CDC14A: variants seen among roughly 807,000 people sequenced by gnomAD.
CDC14A encodes dual specificity protein phosphatase CDC14A.
In CDC14A, 53 loss-of-function variants were observed where a neutral mutation model predicts 74.4. The ratio of observed to expected loss-of-function variants is 0.71; its 90% CI spans 0.57 to 0.89. CDC14A has a LOEUF of 0.89. CDC14A is among the 40% of genes least tolerant of loss of function. The probability of loss-of-function intolerance (pLI) is 0.00; values close to 1 mark genes in which losing one functional copy is unlikely to be tolerated. For missense variants in CDC14A, 646 were observed against 713.7 expected, an observed-to-expected ratio of 0.91 and a Z score of 1.08; for synonymous variants, 247 against 258.4, an observed-to-expected ratio of 0.96 and a Z score of 0.43.
At chr1:100,462,615 G>A (rs1332879303) in intron 8 of CDC14A, 36 bp from the exon 9 acceptor site, 1 of 1,457,516 alleles carries the variant, frequency 6.9e-7, no homozygotes, top group Non-Finnish European at 9.6e-7. Context: ...AAGATGAAAT[G>A]CATGCCTTTT....
chr1:100,352,592 C>G lies in CDC14A; in HGVS notation c.-363C>G. On this transcript the variant is annotated 5_prime_UTR_variant, in exon 1 of 16. Transcript: ENST00000336454. The stretch of plus-strand genomic sequence containing the variant: ...GCGCGATCGGGACCAGAAGTCTCCT[C>G]CTCCATGATCACTTTGGAAGCCGGG... 1 of 1,109,892 alleles carries G rather than the reference C, an allele frequency of 9.0e-7. No individual in the cohort carries two copies. The highest frequency in any genetic ancestry group is 1.1e-6 in the Non-Finnish European group (1 of 908,534). 68.8% of individuals were successfully genotyped at this position (1,109,892 alleles called of 1,614,324 possible). A position where few individuals can be genotyped will look rare whatever the true frequency, so the allele number is the denominator to read the frequency against.
intron 2 of CDC14A, among the ~76,000 whole-genome samples, chr1:100,355,982 T>C (rs1651830523): frequency 6.6e-6 from 1 of 152,170 alleles, no homozygotes; most frequent in Admixed American, 6.5e-5. Context: ...GCTTGAAGGA[T>C]GGACAAGGTC....
chr1:100,439,384 C>T (rs1571195958), intron 5 of CDC14A, among the ~76,000 whole-genome samples: 1 of 152,152 alleles, frequency 6.6e-6, no homozygotes, highest in East Asian at 1.9e-4. Context: ...TTGTTTTTAT[C>T]ATATTCCTGA....
At chr1:100,440,919 A>G (rs1426882720) in intron 6 of CDC14A, among the ~76,000 whole-genome samples, 1 of 152,188 alleles carries the variant, frequency 6.6e-6, no homozygotes, top group Non-Finnish European at 1.5e-5. Context: ...CTACTTAAAC[A>G]ACTACAGAGA....
At chr1:100,443,018 T>C in intron 7 of CDC14A, 22 bp downstream of exon 7, 1 of 1,464,860 alleles carries the variant, frequency 6.8e-7, no homozygotes, top group East Asian at 2.3e-5. Context: ...TAATTTTTTT[T>C]ACAAAACATA....
At chr1:100,373,910 C>T (rs146231213) in intron 2 of CDC14A, among the ~76,000 whole-genome samples, 2,321 of 152,134 alleles carry the variant, frequency 0.015, 63 homozygotes, top group African/African-American at 0.053. Flanking sequence ...CCCATTAACT[C>T]GTCATCTAGC....
chr1:100,424,641 C>G (rs908469482), intron 5 of CDC14A, among the ~76,000 whole-genome samples: 11 of 152,088 alleles, frequency 7.2e-5, no homozygotes, highest in Non-Finnish European at 2.9e-5. Context: ...TCCATTCATT[C>G]TTTCATTTCA....
intron 4 of CDC14A, among the ~76,000 whole-genome samples, chr1:100,391,867 C>G (rs896690670): frequency 2.0e-4 from 30 of 152,200 alleles, no homozygotes; most frequent in Non-Finnish European, 1.5e-5. Context: ...ACTGAGGTGC[C>G]CAGCCCTGCC....
chr1:100,515,842 GT>G, intron 15 of CDC14A, among the ~76,000 whole-genome samples: 1 of 152,126 alleles, frequency 6.6e-6, no homozygotes, highest in East Asian at 1.9e-4. Flanking sequence ...AACATGTTTT[GT>G]TTTGAGGACT....
upstream of CDC14A, chr1:100,351,765 CTT>C: frequency 6.4e-7 from 1 of 1,550,608 alleles, no homozygotes; most frequent in Non-Finnish European, 8.7e-7. Flanking sequence ...AGATGGGAAA[CTT>C]TTTGTCCCGT....
intron 9 of CDC14A, among the ~76,000 whole-genome samples, chr1:100,465,239 A>G (rs570857537): frequency 4.5e-4 from 69 of 152,320 alleles, no homozygotes; most frequent in Non-Finnish European, 8.1e-4. Flanking sequence ...CGGGGATTAC[A>G]GGTGTGAGCC....
At chr1:100,487,266 A>C (rs879118664) in intron 11 of CDC14A, among the ~76,000 whole-genome samples, 7 of 152,218 alleles carry the variant, frequency 4.6e-5, no homozygotes, top group Admixed American at 2.0e-4. Context: ...GAATTCGAAT[A>C]GAGTTTTTTA....
chr1:100,362,856 A>AT (rs1652947842), intron 2 of CDC14A, among the ~76,000 whole-genome samples: 1 of 152,208 alleles, frequency 6.6e-6, no homozygotes, highest in African/African-American at 2.4e-5. Flanking sequence ...ATCGAAGATT[A>AT]ACAATAGGTA....
intron 1 of CDC14A, among the ~76,000 whole-genome samples, chr1:100,353,311 C>T (rs1043936623): frequency 6.6e-6 from 1 of 152,242 alleles, no homozygotes; most frequent in Non-Finnish European, 1.5e-5. Context: ...TCACCGGTCA[C>T]CTTTACTCCA....
At chr1:100,367,492 C>A (rs1475530800) in intron 2 of CDC14A, among the ~76,000 whole-genome samples, 2 of 152,214 alleles carry the variant, frequency 1.3e-5, no homozygotes, top group East Asian at 3.9e-4. Flanking sequence ...TTTCAATGAT[C>A]TTGACATTTA....
chr1:100,401,995 G>A (rs548727185), intron 4 of CDC14A, among the ~76,000 whole-genome samples: 1 of 151,568 alleles, frequency 6.6e-6, no homozygotes, highest in African/African-American at 2.4e-5. Context: ...CCGAGATCGC[G>A]CCATTGCACT....
Position 100,464,321 on chromosome 1 carries a change from G to A in CDC14A, c.838+1440G>A, listed in dbSNP as rs144788281. On this transcript the variant is annotated intron_variant, in intron 9 of 15. Transcript: ENST00000336454. ...CTTTGTGGGATATCTTGTCTCTGGC[G>A]TGGAGTCTGTTAGGAAGGTGTCACT... Among the ~76,000 whole-genome samples, 31 of 152,228 alleles carry A rather than the reference G, an allele frequency of 2.0e-4. No individual in the cohort carries two copies. In the South Asian group the frequency reaches 2.1e-3, roughly 10 times the overall value.
intron 4 of CDC14A, among the ~76,000 whole-genome samples, chr1:100,412,354 A>G (rs1660826537): frequency 1.3e-5 from 2 of 152,202 alleles, no homozygotes; most frequent in South Asian, 4.1e-4. Flanking sequence ...TACAAGGGAT[A>G]TGCCATGAGG....
chr1:100,431,038 C>T (rs1044993874), intron 5 of CDC14A, among the ~76,000 whole-genome samples: 27 of 152,240 alleles, frequency 1.8e-4, no homozygotes, highest in Admixed American at 5.9e-4. Flanking sequence ...TTTTCCAGTC[C>T]AAACTGTTGA....
Sources: allele counts gnomAD v4.1 joint callset (sites outside exome capture counted in the v4.1 genomes callset), GRCh38; gene constraint gnomAD v4.1.1; transcripts MANE v1.5; gene names NCBI Gene and HGNC (gene_info 2026-07-23, HGNC 2026-07-21).